NLGN1: variants seen among roughly 807,000 people sequenced by gnomAD.
NLGN1 encodes the protein neuroligin 1, also known as neuroligin-1.
Under a neutral mutation model 65.5 loss-of-function variants are expected in NLGN1, and 12 were observed. That is an observed-to-expected ratio of 0.18 (90% confidence interval 0.12 to 0.30). The LOEUF (loss-of-function observed/expected upper bound fraction) is 0.30. Among genes scored for constraint, NLGN1 ranks in the 10% least tolerant of loss-of-function variants. The probability of loss-of-function intolerance (pLI) is 1.00; values close to 1 mark genes in which losing one functional copy is unlikely to be tolerated. For synonymous variants in NLGN1, 350 were observed against 359.5 expected, an observed-to-expected ratio of 0.97 and a Z score of 0.30; for missense variants, 750 against 1,007.1, an observed-to-expected ratio of 0.74 and a Z score of 3.46.
chr3:173,611,691 G>A (rs1157212454), intron 3 of NLGN1, among the ~76,000 whole-genome samples: 1 of 152,070 alleles, frequency 6.6e-6, no homozygotes, highest in Non-Finnish European at 1.5e-5. Flanking sequence ...GGGCTGTAAA[G>A]TTTTAAAAGA....
intron 4 of NLGN1, among the ~76,000 whole-genome samples, chr3:174,166,626 C>T (rs988000172): frequency 6.6e-6 from 1 of 151,884 alleles, no homozygotes; most frequent in Non-Finnish European, 1.5e-5. Flanking sequence ...GGAGTATTTT[C>T]GGTGTGCAGA....
At chr3:173,584,259 A>T (rs1018861466) in intron 2 of NLGN1, among the ~76,000 whole-genome samples, 3 of 150,734 alleles carry the variant, frequency 2.0e-5, no homozygotes, top group Admixed American at 6.6e-5. Flanking sequence ...AAAAAAAAAA[A>T]GGTGAGGAGA....
chr3:173,609,763 A>G (rs1751986802), intron 3 of NLGN1, among the ~76,000 whole-genome samples: 1 of 151,966 alleles, frequency 6.6e-6, no homozygotes, highest in Admixed American at 6.6e-5. Context: ...CAGTTTGTAA[A>G]TGATGAACAC....
At chr3:174,193,345 G>A (rs1291045854) in intron 4 of NLGN1, among the ~76,000 whole-genome samples, 1 of 152,048 alleles carries the variant, frequency 6.6e-6, no homozygotes, top group Non-Finnish European at 1.5e-5. Context: ...TACCTCAAAA[G>A]CTTTTCACTT....
chr3:173,741,963 C>T (rs1160194830), intron 3 of NLGN1, among the ~76,000 whole-genome samples: 1 of 152,072 alleles, frequency 6.6e-6, no homozygotes, highest in Non-Finnish European at 1.5e-5. Flanking sequence ...GGCCTTCCCA[C>T]CCCCTCTAGG....
At chr3:174,192,912 A>T (rs1328944819) in intron 4 of NLGN1, among the ~76,000 whole-genome samples, 1 of 151,148 alleles carries the variant, frequency 6.6e-6, no homozygotes, top group Non-Finnish European at 1.5e-5. Context: ...CTATTACTAA[A>T]CTCCTGTGTG....
chr3:173,650,547 G>T (rs1442196951), intron 3 of NLGN1, among the ~76,000 whole-genome samples: 1 of 152,122 alleles, frequency 6.6e-6, no homozygotes, highest in Admixed American at 6.6e-5. Flanking sequence ...GTTAGGAATG[G>T]TATCACATTG....
intron 3 of NLGN1, among the ~76,000 whole-genome samples, chr3:173,650,444 T>A (rs1220557633): frequency 6.6e-6 from 1 of 152,162 alleles, no homozygotes; most frequent in East Asian, 1.9e-4. Flanking sequence ...TTCACCACAA[T>A]GGTTATTGTA....
At chr3:174,030,004 A>T (rs1729632472) in intron 4 of NLGN1, among the ~76,000 whole-genome samples, 1 of 152,184 alleles carries the variant, frequency 6.6e-6, no homozygotes, top group Non-Finnish European at 1.5e-5. Context: ...AGATTAATAC[A>T]ATAGCTCATG....
chr3:174,049,762 T>C (rs1382423764), intron 4 of NLGN1, among the ~76,000 whole-genome samples: 1 of 152,120 alleles, frequency 6.6e-6, no homozygotes, highest in Non-Finnish European at 1.5e-5. Flanking sequence ...TCATTACGTG[T>C]AAAAGAGGAA....
intron 2 of NLGN1, among the ~76,000 whole-genome samples, chr3:173,472,749 A>C (rs909378683): frequency 6.6e-6 from 1 of 152,180 alleles, no homozygotes. Context: ...TGCTTGAAGA[A>C]TTTAATTACT....
exon 7 of NLGN1, chr3:174,282,551 G>A (rs1751663207): frequency 1.3e-5 from 2 of 152,248 alleles, no homozygotes; most frequent in Admixed American, 6.6e-5. Context: ...CAGAACCTAG[G>A]AGAGTCAACA....
intron 2 of NLGN1, chr3:173,584,524 A>G (rs1232684932): frequency 6.8e-6 from 1 of 147,448 alleles, no homozygotes; most frequent in Middle Eastern, 3.4e-3. Context: ...GAACAGGGTT[A>G]TGAAATTGTT....
At chr3:173,410,996 A>G (rs1200831410) in intron 1 of NLGN1, among the ~76,000 whole-genome samples, 1 of 152,214 alleles carries the variant, frequency 6.6e-6, no homozygotes, top group African/African-American at 2.4e-5. Context: ...ACTCAGAGCC[A>G]TTGTTCTTCA....
intron 2 of NLGN1, among the ~76,000 whole-genome samples, chr3:173,565,760 A>G (rs920479711): frequency 3.9e-5 from 6 of 152,212 alleles, no homozygotes; most frequent in African/African-American, 1.4e-4. Context: ...TGAAAGACAG[A>G]AATATTCTGA....
chr3:174,000,498 A>G (rs1723072070), intron 4 of NLGN1, among the ~76,000 whole-genome samples: 1 of 152,150 alleles, frequency 6.6e-6, no homozygotes, highest in Admixed American at 6.6e-5. Context: ...CTTCTTTTGG[A>G]TTCTGTAGGT....
intron 4 of NLGN1, among the ~76,000 whole-genome samples, chr3:173,982,242 T>C (rs1302653058): frequency 6.6e-6 from 1 of 152,146 alleles, no homozygotes; most frequent in African/African-American, 2.4e-5. Context: ...AGAAGCACTT[T>C]TGTTTCTGAG....
chr3:173,807,958 C>T (rs555991830), intron 4 of NLGN1, 126 bp downstream of exon 4: 28 of 899,012 alleles, frequency 3.1e-5, no homozygotes, highest in Admixed American at 2.6e-4. Context: ...CATTCTCGAG[C>T]CCAAATTTTT....
chr3:173,930,055 TG>T (rs1431882752), intron 4 of NLGN1, among the ~76,000 whole-genome samples: 1 of 152,078 alleles, frequency 6.6e-6, no homozygotes, highest in Non-Finnish European at 1.5e-5. Flanking sequence ...TGACACCTGA[TG>T]GCAAAAAAAC....
Sources: gnomAD v4.1 joint callset for allele counts (sites outside exome capture counted in the v4.1 genomes callset) on GRCh38, gnomAD v4.1.1 for gene constraint, MANE v1.5 for transcripts, NCBI Gene and HGNC (gene_info 2026-07-23, HGNC 2026-07-21) for gene names.